The following FMR1 variants were observed in gnomAD, a reference collection of about 807,000 sequenced individuals.
FMR1 encodes the protein FMRP translational regulator 1.
Under a neutral mutation model 50.6 loss-of-function variants are expected in FMR1, and 13 were observed. The ratio of observed to expected loss-of-function variants is 0.26; its 90% confidence interval spans 0.17 to 0.41. The LOEUF is 0.41. Ranked by LOEUF, FMR1 falls within the 10% of genes least tolerant of loss-of-function variation. FMR1 has a pLI of 1.00. For synonymous variants in FMR1, 138 were observed against 164.1 expected (o/e 0.84, Z 1.22); for missense variants, 316 against 491.3 (o/e 0.64, Z 3.37).
At chrX:147,913,792 A>G (rs782719990) in intron 1 of FMR1, 1 of 111,840 alleles carries the variant, frequency 8.9e-6, no homozygotes, top group East Asian at 2.8e-4. Context: ...ATTGATCCAT[A>G]ATTTCTTCTG....
chrX:147,916,990 C>T (rs141479979), intron 1 of FMR1, among the ~76,000 whole-genome samples: 2,773 of 112,254 alleles, frequency 0.025, 96 homozygotes, highest in African/African-American at 0.085. Flanking sequence ...CTCCAAAGTG[C>T]TGGAATTACA....
intron 1 of FMR1, chrX:147,912,646 A>G (rs2042645388): frequency 6.7e-6 from 2 of 298,872 alleles, no homozygotes; most frequent in Non-Finnish European, 1.2e-5. Flanking sequence ...GTTGTGGAGG[A>G]GCGGGGGGCG....
At chrX:147,941,296 A>G (rs2043995421) in intron 13 of FMR1, among the ~76,000 whole-genome samples, 2 of 111,562 alleles carry the variant, frequency 1.8e-5, no homozygotes, top group South Asian at 7.5e-4. Context: ...TAGCTGTGTG[A>G]CTTTAGGCAA....
intron 2 of FMR1, among the ~76,000 whole-genome samples, chrX:147,923,255 A>G (rs782061895): frequency 8.9e-6 from 1 of 112,097 alleles, no homozygotes; most frequent in African/African-American, 3.2e-5. Flanking sequence ...TCGCAGACCA[A>G]AATACAAGTT....
chrX:147,944,932 A>G lies in FMR1; in HGVS notation c.1535A>G (p.Asp512Gly). Residue 512 changes from aspartate (D) to glycine (G), a missense_variant, in exon 15 of 17, where the codon GAT becomes GGT. Transcript: ENST00000370475. ...TCTGACCACAGAGACGAACTCAGTG[A>G]TTGGTCATTAGCTCCAACAGAGGAA... Reference protein sequence around the residue: ...TESDHRDELSDWSLAPTEEER... With the variant: ...TESDHRDELSGWSLAPTEEER... 8.3e-7 allele frequency: 1 copy of G among 1,209,242 alleles called. No homozygotes were observed. The highest frequency in any genetic ancestry group is 1.1e-6 in the Non-Finnish European group (1 of 894,562).
chrX:147,947,533 A>G (rs1418170996), intron 16 of FMR1: 2 of 109,341 alleles, frequency 1.8e-5, no homozygotes, highest in African/African-American at 6.7e-5. Flanking sequence ...ACATGGTGAA[A>G]CCCCATCTCT....
chrX:147,923,377 A>C (rs2043257389), intron 2 of FMR1, among the ~76,000 whole-genome samples: 1 of 112,110 alleles, frequency 8.9e-6, no homozygotes, highest in Admixed American at 9.4e-5. Context: ...TCACACCAAC[A>C]GAGGAATCTT....
Position 147,949,055 on chromosome X carries a change from A to G in FMR1, c.*211A>G, listed in dbSNP as rs868914186. The G allele has an allele frequency of 1.4e-5, 7 of 497,194 alleles. No individual in the cohort carries two copies. Among genetic ancestry groups the G allele is most frequent in the African/African-American group, 4.7e-5 (2 of 42,912 alleles). The allele number at this position is 497,194 out of a possible 1,213,427, so 41.0% of individuals were successfully genotyped here. A position where few individuals can be genotyped will look rare whatever the true frequency, so the allele number is the denominator to read the frequency against. ...AAAAAGATACCTTAAAATTTGAAAC[A>G]TTGCTTTTAAAACTACTTAGCACTT... On this transcript the variant is annotated 3_prime_UTR_variant, in exon 17 of 17. Coordinates refer to ENST00000370475, the MANE Select transcript of FMR1 (RefSeq NM_002024.6).
intron 3 of FMR1, among the ~76,000 whole-genome samples, chrX:147,926,486 A>G (rs891185308): frequency 1.8e-5 from 2 of 109,439 alleles, no homozygotes; most frequent in Admixed American, 2.0e-4. Flanking sequence ...TCAGTTCTTT[A>G]TTTATTTATT....
intron 3 of FMR1, among the ~76,000 whole-genome samples, chrX:147,926,992 T>G (rs2043412161): frequency 8.9e-6 from 1 of 112,070 alleles, no homozygotes; most frequent in Non-Finnish European, 1.9e-5. Context: ...GATCTCTCAA[T>G]GTCCAGGCCT....
Position 147,928,818 on chromosome X carries a change from AC to A in FMR1, c.419+12del, listed in dbSNP as rs782434875. 14 of 1,202,816 alleles carry A rather than the reference AC, an allele frequency of 1.2e-5. No homozygotes were observed. Among genetic ancestry groups the A allele is most frequent in the South Asian group, 7.1e-5 (4 of 56,601 alleles). The stretch of plus-strand genomic sequence containing the variant: ...AGACTTACGGCAAATGTAAGTTGAT[AC>A]ACAAGAAATGCTGAGAACTTGGAAG... On this transcript the variant is annotated intron_variant, in intron 5 of 16. Coordinates refer to ENST00000370475, the MANE Select transcript of FMR1 (RefSeq NM_002024.6).
chrX:147,914,947 A>G (rs888256456), intron 1 of FMR1, among the ~76,000 whole-genome samples: 2 of 112,230 alleles, frequency 1.8e-5, no homozygotes, highest in African/African-American at 6.5e-5. Context: ...TATCACTCCA[A>G]TATGAATGCC....
chrX:147,919,164 A>T (rs1297558296), intron 1 of FMR1, among the ~76,000 whole-genome samples: 1 of 112,089 alleles, frequency 8.9e-6, no homozygotes, highest in Non-Finnish European at 1.9e-5. Flanking sequence ...ATAAGGGGTC[A>T]GTTACTTCCT....
At chrX:147,930,676 C>T (rs1473341759) in intron 7 of FMR1, among the ~76,000 whole-genome samples, 1 of 111,889 alleles carries the variant, frequency 8.9e-6, no homozygotes, top group East Asian at 2.8e-4. Context: ...TTCAGATTCC[C>T]GCCAGAGGCT....
Position 147,948,701 on chromosome X carries a change from A to C in FMR1, c.1756A>C (p.Asn586His). ...GSLQIRVDCNNERSVHTKTLQ... is the reference protein window; with the variant it reads ...GSLQIRVDCNHERSVHTKTLQ... ...GTTTTAGATCAGAGTTGACTGCAAT[A>C]ATGAAAGGAGTGTCCACACTAAAAC... is the stretch of plus-strand genomic sequence containing the variant. The change falls in exon 17 of 17, where the codon AAT (asparagine) becomes CAT (histidine). Residue 586 changes from asparagine (N) to histidine (H), a missense_variant. Asn to His is a moderately conservative substitution (Grantham distance 68). Transcript: ENST00000370475. The C allele has an allele frequency of 8.3e-7, 1 of 1,211,762 alleles. No individual in the cohort carries two copies. Among genetic ancestry groups the C allele is most frequent in the Non-Finnish European group, 1.1e-6 (1 of 895,490 alleles).
In FMR1 at chrX:147,948,968, A is replaced by C. The variant is rs2044262405; in HGVS notation, c.*124A>C. 1.4e-6 allele frequency: 1 copy of C among 719,237 alleles called. No individual in the cohort carries two copies. The highest frequency in any genetic ancestry group is 2.2e-6 in the Non-Finnish European group (1 of 463,004). The allele number at this position is 719,237 out of a possible 1,213,427, so 59.3% of individuals were successfully genotyped here. On this transcript the variant is annotated 3_prime_UTR_variant, in exon 17 of 17. Transcript: ENST00000370475. ...GGCACAGGGCATGAAATGAACACAA[A>C]TTATGCTAAGAATTTTTTATTTTTT... is the stretch of plus-strand genomic sequence containing the variant.
intron 1 of FMR1, among the ~76,000 whole-genome samples, chrX:147,915,036 A>G (rs1405410025): frequency 8.9e-6 from 1 of 112,049 alleles, no homozygotes; most frequent in Non-Finnish European, 1.9e-5. Flanking sequence ...TGTTGGAGAC[A>G]TAAGATACAA....
chrX:147,925,891 T>C (rs1557177457), intron 3 of FMR1, among the ~76,000 whole-genome samples: 1 of 112,029 alleles, frequency 8.9e-6, no homozygotes, highest in Non-Finnish European at 1.9e-5. Flanking sequence ...CTAGTAATTC[T>C]TTTCTCCTTC....
intron 3 of FMR1, among the ~76,000 whole-genome samples, chrX:147,927,103 GTT>G (rs1394365359): frequency 1.3e-4 from 14 of 111,997 alleles, no homozygotes; most frequent in Non-Finnish European, 2.4e-4. Context: ...GCTGGGCTTG[GTT>G]TTGCAAGGGA....
Sources: gnomAD v4.1 joint callset for allele counts (sites outside exome capture counted in the v4.1 genomes callset) on GRCh38, gnomAD v4.1.1 for gene constraint, MANE v1.5 for transcripts, NCBI Gene and HGNC (gene_info 2026-07-23, HGNC 2026-07-21) for gene names.